Variants in SOX5 observed in about 807,000 individuals in gnomAD.
The protein encoded by SOX5 is SRY-box transcription factor 5.
A neutral mutation model predicts 92.0 loss-of-function variants in SOX5; 9 were observed. The ratio of observed to expected loss-of-function variants is 0.10; its 90% confidence interval spans 0.06 to 0.17. The LOEUF (loss-of-function observed/expected upper bound fraction) is 0.17, where lower values mean the gene tolerates loss of function less well. Ranked by LOEUF, SOX5 falls within the 10% of genes least tolerant of loss-of-function variation. The pLI is 1.00. For synonymous variants in SOX5, 344 were observed against 336.3 expected, an observed-to-expected ratio of 1.02 and a Z score of -0.25; for missense variants, 642 against 944.5, an observed-to-expected ratio of 0.68 and a Z score of 4.20.
chr12:24,345,317 T>A (rs185178808), intron 2 of SOX5, among the ~76,000 whole-genome samples: 2 of 152,348 alleles, frequency 1.3e-5, no homozygotes, highest in African/African-American at 2.4e-5. Flanking sequence ...TTCTAAGACT[T>A]CAGGTGACCA....
At chr12:23,570,925 AAAAAAAT>A (rs1948153063) in intron 10 of SOX5, among the ~76,000 whole-genome samples, 1 of 35,748 alleles carries the variant, frequency 2.8e-5, no homozygotes, top group African/African-American at 1.2e-4. Flanking sequence ...AAAAAAAAAA[AAAAAAAT>A]ATATATATAT....
At chr12:23,558,099 G>A (rs2136267415) in intron 11 of SOX5, among the ~76,000 whole-genome samples, 1 of 152,212 alleles carries the variant, frequency 6.6e-6, no homozygotes, top group African/African-American at 2.4e-5. Flanking sequence ...GAGCTTTGAT[G>A]TCATTTTTGT....
chr12:24,118,147 T>C (rs900388446), intron 4 of SOX5, among the ~76,000 whole-genome samples: 1 of 151,150 alleles, frequency 6.6e-6, no homozygotes, highest in South Asian at 2.1e-4. Context: ...AGTTACAAGG[T>C]TTTAATTATA....
In SOX5 at chr12:24,247,833, T is replaced by C. The variant is rs545981152; in HGVS notation, c.-77+29383A>G. 3.9e-5 allele frequency among the ~76,000 whole-genome samples: 6 copies of C among 151,946 alleles called. No individual in the cohort carries two copies. In the South Asian group the frequency reaches 1.3e-3, roughly 32 times the overall value. Reference sequence around the variant, plus strand: ...ACCTGGCTAATTTTTTTTGTATTTTTAGTAGAGACGGGGTTTCACCATGTT... The same window carrying C: ...ACCTGGCTAATTTTTTTTGTATTTTCAGTAGAGACGGGGTTTCACCATGTT... On this transcript the variant is annotated intron_variant, in intron 3 of 4. Coordinates refer to the SOX5 transcript ENST00000446891.
rs1248482182 is a variant in SOX5 at position 23,592,681 on chromosome 12, A to G, written c.1164+11706T>C. Among the ~76,000 whole-genome samples the G allele has an allele frequency of 3.3e-5, 5 of 152,202 alleles. 1 individual carries two copies. Among genetic ancestry groups the G allele is most frequent in the Admixed American group, 2.0e-4 (3 of 15,284 alleles). ...AATAATTCTGAACCATTGAGAGTGC[A>G]TGTTTCAAATTTAATATTGATAAGC... is the stretch of plus-strand genomic sequence containing the variant. On this transcript the variant is annotated intron_variant, in intron 9 of 14. Transcript: ENST00000451604.
At chr12:23,672,669 A>G (rs2084989081) in intron 6 of SOX5, among the ~76,000 whole-genome samples, 4 of 152,136 alleles carry the variant, frequency 2.6e-5, no homozygotes, top group African/African-American at 7.2e-5. Flanking sequence ...GCTACTAGAT[A>G]TAATAGAAAC....
At chr12:24,277,260 C>A (rs1944542541) in exon 3 of SOX5, 1 of 151,574 alleles carries the variant, frequency 6.6e-6, no homozygotes, top group Non-Finnish European at 1.5e-5. Flanking sequence ...GTTCAGCTTT[C>A]AGAATCTTGT....
chr12:24,418,561 G>A (rs1270886136), intron 1 of SOX5, among the ~76,000 whole-genome samples: 1 of 152,178 alleles, frequency 6.6e-6, no homozygotes, highest in Non-Finnish European at 1.5e-5. Flanking sequence ...AACTGCAGAT[G>A]CTATCTGCAT....
chr12:23,577,070 A>G (rs981548411), intron 9 of SOX5, among the ~76,000 whole-genome samples: 1 of 150,484 alleles, frequency 6.6e-6, no homozygotes, highest in Non-Finnish European at 1.5e-5. Flanking sequence ...AGTCCTACCA[A>G]AAGAACCACT....
intron 9 of SOX5, among the ~76,000 whole-genome samples, chr12:23,595,902 G>T (rs540119891): frequency 6.6e-6 from 1 of 152,080 alleles, no homozygotes; most frequent in East Asian, 1.9e-4. Context: ...AACTGTACTT[G>T]TACTCCTAAA....
intron 1 of SOX5, among the ~76,000 whole-genome samples, chr12:24,412,166 G>A (rs929577443): frequency 6.6e-6 from 1 of 152,002 alleles, no homozygotes; most frequent in Non-Finnish European, 1.5e-5. Context: ...TACTGATATC[G>A]ATAACTTGTG....
chr12:23,647,369 T>A (rs2081002737), intron 7 of SOX5, among the ~76,000 whole-genome samples: 1 of 152,200 alleles, frequency 6.6e-6, no homozygotes, highest in Non-Finnish European at 1.5e-5. Context: ...ACAGGCAAGG[T>A]AGATTTAGCT....
chr12:23,859,977 G>A (rs1012097295), intron 2 of SOX5, among the ~76,000 whole-genome samples: 1 of 152,174 alleles, frequency 6.6e-6, no homozygotes, highest in African/African-American at 2.4e-5. Context: ...AACAAAGAAT[G>A]AGGTCATGTC....
At chr12:23,821,271 T>C (rs1327919615) in intron 3 of SOX5, among the ~76,000 whole-genome samples, 1 of 152,218 alleles carries the variant, frequency 6.6e-6, no homozygotes, top group African/African-American at 2.4e-5. Context: ...TGTACATTAA[T>C]TTTGTATCCT....
chr12:24,011,627 C>A (rs191078752), intron 4 of SOX5, among the ~76,000 whole-genome samples: 2 of 152,118 alleles, frequency 1.3e-5, no homozygotes, highest in South Asian at 2.1e-4. Flanking sequence ...GCTCATTCTT[C>A]TTGCTGTGCC....
chr12:24,155,963 G>A (rs992479334), intron 4 of SOX5, among the ~76,000 whole-genome samples: 1 of 152,132 alleles, frequency 6.6e-6, no homozygotes, highest in African/African-American at 2.4e-5. Context: ...TTTGAATGCT[G>A]TTTATGGACG....
Position 24,251,186 on chromosome 12 carries a change from A to G in SOX5, c.-77+26030T>C, listed in dbSNP as rs1939963502. Among the ~76,000 whole-genome samples, 3 of 152,228 alleles carry G rather than the reference A, an allele frequency of 2.0e-5. No homozygotes were observed. The South Asian group carries it at 6.2e-4, about 32-fold the overall frequency. Reference sequence around the variant, plus strand: ...TACTTCTACATAAATACAGATCTTCATTATTTTTCTCATAAACCTGGTATT... The same window carrying G: ...TACTTCTACATAAATACAGATCTTCGTTATTTTTCTCATAAACCTGGTATT... On this transcript the variant is annotated intron_variant, in intron 3 of 4. Transcript: ENST00000446891.
chr12:23,951,344 T>G (rs1158371266), upstream of SOX5, among the ~76,000 whole-genome samples: 3 of 151,486 alleles, frequency 2.0e-5, no homozygotes, highest in Admixed American at 2.0e-4. Context: ...CTCCACTCCT[T>G]CCAACTTCCC....
chr12:24,257,881 A>T (rs1217960426), intron 3 of SOX5, among the ~76,000 whole-genome samples: 1 of 151,964 alleles, frequency 6.6e-6, no homozygotes, highest in Non-Finnish European at 1.5e-5. Flanking sequence ...TTTCTTTTAA[A>T]GCCCCTATTC....
Sources: allele counts gnomAD v4.1 joint callset (sites outside exome capture counted in the v4.1 genomes callset), GRCh38; gene constraint gnomAD v4.1.1; transcripts MANE v1.5; gene names NCBI Gene and HGNC (gene_info 2026-07-23, HGNC 2026-07-21).